Variants in LIPA observed in about 807,000 individuals in gnomAD.
The protein encoded by LIPA is lysosomal acid lipase/cholesteryl ester hydrolase.
A neutral mutation model predicts 40.6 loss-of-function variants in LIPA; 26 were observed. The observed-to-expected ratio is 0.64, with a 90% CI of 0.47 to 0.89. LIPA has a LOEUF of 0.89. Ranked by LOEUF, LIPA falls within the 40% of genes least tolerant of loss-of-function variation. LIPA has a pLI of 0.00. For synonymous variants in LIPA, 188 were observed against 168.4 expected (o/e 1.12, Z -0.90); for missense variants, 455 against 479.6 (o/e 0.95, Z 0.48).
At chr10:89,227,040 G>C in intron 4 of LIPA, 36 bp from the exon 5 acceptor site, 1 of 1,257,768 alleles carries the variant, frequency 8.0e-7, no homozygotes, top group South Asian at 1.2e-5. Context: ...CATTGAAATA[G>C]TACATAAAAT....
At chr10:89,291,337 G>A (rs977903306) in intron 1 of LIPA, among the ~76,000 whole-genome samples, 3 of 152,128 alleles carry the variant, frequency 2.0e-5, no homozygotes, top group South Asian at 2.1e-4. Flanking sequence ...TACAAGGTAG[G>A]AGACATAGCA....
intron 2 of LIPA, chr10:89,392,466 T>TCCCTC (rs1844266457): frequency 3.5e-6 from 1 of 287,478 alleles, no homozygotes; most frequent in African/African-American, 3.6e-5. Context: ...AAAGTTTCAT[T>TCCCTC]CCCCACCCCC....
chr10:89,392,621 G>GT lies in LIPA; in HGVS notation c.61+20169dup, dbSNP rs371267180. 1.2e-4 allele frequency: 170 copies of GT among 1,405,600 alleles called. No homozygotes were observed. The African/African-American group carries it at 1.9e-3, about 15-fold the overall frequency. 87.1% of individuals were successfully genotyped at this position (1,405,600 alleles called of 1,614,324 possible). On this transcript the variant is annotated intron_variant, in intron 2 of 8. Coordinates refer to the LIPA transcript ENST00000371837. ...TATAACACTGTCTTGGGGTTTAAAC[G>GT]TAACTGAAAATCCACAAGACAGAAT... is the stretch of plus-strand genomic sequence containing the variant.
At chr10:89,387,223 G>A (rs1010197999) in intron 2 of LIPA, among the ~76,000 whole-genome samples, 24 of 151,226 alleles carry the variant, frequency 1.6e-4, no homozygotes, top group African/African-American at 5.8e-4. Flanking sequence ...GGCTGAGGCA[G>A]GACAATGGCG....
chr10:89,346,275 TAAAC>T (rs1385783738), upstream of LIPA, among the ~76,000 whole-genome samples: 2 of 152,320 alleles, frequency 1.3e-5, no homozygotes, highest in Admixed American at 1.3e-4. Flanking sequence ...ACACCTTACA[TAAAC>T]ATAGAATAAT....
intron 1 of LIPA, among the ~76,000 whole-genome samples, chr10:89,275,578 C>G (rs935399695): frequency 6.6e-6 from 1 of 152,124 alleles, no homozygotes; most frequent in Non-Finnish European, 1.5e-5. Context: ...TTGGCCAGCT[C>G]CCACAATTGC....
At chr10:89,237,071 C>T (rs749324949) in intron 3 of LIPA, among the ~76,000 whole-genome samples, 11 of 152,158 alleles carry the variant, frequency 7.2e-5, no homozygotes, top group East Asian at 1.9e-4. Flanking sequence ...GCCAGGTGTT[C>T]GAAACCAGTC....
upstream of LIPA, among the ~76,000 whole-genome samples, chr10:89,254,257 C>T (rs1589579685): frequency 6.6e-6 from 1 of 152,252 alleles, no homozygotes; most frequent in Non-Finnish European, 1.5e-5. Flanking sequence ...GACATTCAGG[C>T]TTTTCCACAC....
intron 2 of LIPA, among the ~76,000 whole-genome samples, chr10:89,409,929 G>C (rs1841456892): frequency 6.6e-6 from 1 of 152,216 alleles, no homozygotes; most frequent in Admixed American, 6.5e-5. Context: ...CTTGAGAGGG[G>C]AATCAACCCT....
intron 1 of LIPA, among the ~76,000 whole-genome samples, chr10:89,251,330 G>C (rs1843116242): frequency 6.6e-6 from 1 of 152,214 alleles, no homozygotes; most frequent in Admixed American, 6.5e-5. Flanking sequence ...CGACCACGCC[G>C]TTGGCTAACA....
chr10:89,292,556 AC>A (rs1843380528), intron 1 of LIPA: 1 of 152,182 alleles, frequency 6.6e-6, no homozygotes, highest in Non-Finnish European at 1.5e-5. Context: ...GTAATAACTA[AC>A]CCTTATTGGG....
intron 3 of LIPA, among the ~76,000 whole-genome samples, chr10:89,240,135 C>T (rs1842948534): frequency 6.6e-6 from 1 of 152,302 alleles, no homozygotes; most frequent in African/African-American, 2.4e-5. Flanking sequence ...CACCTGACCC[C>T]CAGACATAGT....
chr10:89,308,474 T>TC (rs1485545840), intron 1 of LIPA: 3 of 152,126 alleles, frequency 2.0e-5, no homozygotes, highest in Non-Finnish European at 4.4e-5. Flanking sequence ...GGTGGGGTTT[T>TC]CCCCCCTTTA....
chr10:89,224,234 T>G (rs1202067552), intron 6 of LIPA, among the ~76,000 whole-genome samples: 2 of 152,258 alleles, frequency 1.3e-5, no homozygotes, highest in Non-Finnish European at 2.9e-5. Flanking sequence ...TGTGCCCATC[T>G]AATTCAATGC....
intron 2 of LIPA, among the ~76,000 whole-genome samples, chr10:89,376,004 T>A (rs890481599): frequency 2.0e-5 from 3 of 151,802 alleles, no homozygotes; most frequent in Non-Finnish European, 2.9e-5. Context: ...ATGGCCAACA[T>A]GGTGAAACCC....
At chr10:89,369,945 A>G (rs1844082309) in intron 2 of LIPA, among the ~76,000 whole-genome samples, 1 of 152,252 alleles carries the variant, frequency 6.6e-6, no homozygotes, top group South Asian at 2.1e-4. Context: ...TATTAAAGCT[A>G]TAAAAGCTGC....
chr10:89,360,691 G>A (rs936839774), intron 2 of LIPA, among the ~76,000 whole-genome samples: 11 of 152,284 alleles, frequency 7.2e-5, no homozygotes, highest in South Asian at 4.1e-4. Flanking sequence ...CACCTGGCTC[G>A]TTCCCCATCA....
intron 2 of LIPA, among the ~76,000 whole-genome samples, chr10:89,357,874 C>G (rs1189068166): frequency 6.6e-6 from 1 of 152,082 alleles, no homozygotes; most frequent in Non-Finnish European, 1.5e-5. Context: ...AAATATAAAA[C>G]CTAACCAAAA....
intron 1 of LIPA, among the ~76,000 whole-genome samples, chr10:89,272,770 C>T (rs115535678): frequency 9.5e-4 from 144 of 152,270 alleles, no homozygotes; most frequent in African/African-American, 3.3e-3. Context: ...TATTTTTGGA[C>T]GTTTTATTAA....
Sources: allele counts gnomAD v4.1 joint callset (sites outside exome capture counted in the v4.1 genomes callset), GRCh38; gene constraint gnomAD v4.1.1; transcripts MANE v1.5; gene names NCBI Gene and HGNC (gene_info 2026-07-23, HGNC 2026-07-21).